Variants in LARP4B observed in about 807,000 individuals in gnomAD.
LARP4B encodes the protein la-related protein 4B.
LARP4B carries 12 observed loss-of-function variants against 89.8 expected under a neutral mutation model. The ratio of observed to expected loss-of-function variants is 0.13; its 90% CI spans 0.09 to 0.22. LARP4B has a LOEUF of 0.22. Ranked by LOEUF, LARP4B falls within the 10% of genes least tolerant of loss-of-function variation. The pLI is 1.00. For missense variants in LARP4B, 757 were observed against 947.7 expected (o/e 0.80, Z 2.64); for synonymous variants, 367 against 363.3 (o/e 1.01, Z -0.12).
At chr10:937,361 A>C in the LARP4B span, among the ~76,000 whole-genome samples, 1 of 152,278 alleles carries the variant, frequency 6.6e-6, no homozygotes, top group African/African-American at 2.4e-5. Context: ...TTTAAAAATC[A>C]CTATCTTGTA....
At chr10:941,473 C>G in the LARP4B span, among the ~76,000 whole-genome samples, 376 of 152,092 alleles carry the variant, frequency 2.5e-3, 2 homozygotes, top group African/African-American at 8.8e-3. Context: ...GCCACCATGC[C>G]TGGCTAATTT....
At chr10:946,743 T>TA in the LARP4B span, among the ~76,000 whole-genome samples, 1 of 152,220 alleles carries the variant, frequency 6.6e-6, no homozygotes, top group Non-Finnish European at 1.5e-5. Flanking sequence ...CAATTTTTTT[T>TA]ATCTTACAAG....
At chr10:982,121 T>C in the LARP4B span, among the ~76,000 whole-genome samples, 5 of 148,016 alleles carry the variant, frequency 3.4e-5, no homozygotes, top group South Asian at 2.2e-4. Context: ...TCTTTCTTTT[T>C]TTTTTTTTTT....
chr10:970,660 C>T, the LARP4B span, among the ~76,000 whole-genome samples: 1 of 152,134 alleles, frequency 6.6e-6, no homozygotes, highest in Non-Finnish European at 1.5e-5. Context: ...AAAATTCAGC[C>T]GTGTCAGCTT....
At chr10:906,212 T>C (rs1335077839) in intron 1 of LARP4B, among the ~76,000 whole-genome samples, 1 of 152,230 alleles carries the variant, frequency 6.6e-6, no homozygotes, top group Non-Finnish European at 1.5e-5. Context: ...CTCTGAATAG[T>C]ACAATGCTTC....
chr10:817,024 C>T (rs1472991850), intron 15 of LARP4B, among the ~76,000 whole-genome samples: 1 of 152,154 alleles, frequency 6.6e-6, no homozygotes, highest in African/African-American at 2.4e-5. Context: ...ACAGGGGACA[C>T]CGGCAACCTG....
rs1375533191 is a variant in LARP4B, at chr10:914,561, C to T, written c.-40+16867G>A. On this transcript the variant is annotated intron_variant, in intron 1 of 17. Coordinates refer to ENST00000316157, the MANE Select transcript of LARP4B (RefSeq NM_015155.3). The stretch of plus-strand genomic sequence containing the variant: ...CCCGTAATCCCAGCACTTTGGGAGG[C>T]CAAGGTGGGTGGATCATGAGGTCAG... 3.3e-5 allele frequency among the ~76,000 whole-genome samples: 5 copies of T among 150,506 alleles called. No homozygotes were observed. The South Asian group carries it at 8.4e-4, about 25-fold the overall frequency.
At chr10:828,987 G>A (rs1009079378) in intron 11 of LARP4B, among the ~76,000 whole-genome samples, 2 of 152,230 alleles carry the variant, frequency 1.3e-5, no homozygotes, top group African/African-American at 4.8e-5. Context: ...GGTGAGAAGT[G>A]AGTAAAATAA....
At chr10:818,183 C>T (rs779866122) in intron 14 of LARP4B, 1 of 274,074 alleles carries the variant, frequency 3.6e-6, no homozygotes, top group Non-Finnish European at 6.9e-6. Context: ...TCACGAACAG[C>T]AGGGGCAGCT....
rs1364052804 is a variant in LARP4B, at chr10:822,258, G to A, written c.1485-1413C>T. The stretch of plus-strand genomic sequence containing the variant: ...TGGGGACCTGGGAGGGGTGTGAGAC[G>A]GATGGTGTCAGCACCTGCTTGCCCA... On this transcript the variant is annotated intron_variant, in intron 13 of 17. Transcript: ENST00000316157. The surrounding 1 kb of genome is among the most constrained non-coding windows in gnomAD (Gnocchi z 4.6). 2.0e-5 allele frequency among the ~76,000 whole-genome samples: 3 copies of A among 152,220 alleles called. No homozygotes were observed. Among genetic ancestry groups the A allele is most frequent in the Admixed American group, 6.5e-5 (1 of 15,286 alleles).
intron 1 of LARP4B, among the ~76,000 whole-genome samples, chr10:891,891 G>A (rs1223893769): frequency 6.6e-6 from 1 of 152,174 alleles, no homozygotes; most frequent in South Asian, 2.1e-4. Context: ...CTTACCTAAT[G>A]TGTGAATCTA....
chr10:909,097 A>G (rs1420920249), intron 1 of LARP4B, among the ~76,000 whole-genome samples: 3 of 152,026 alleles, frequency 2.0e-5, no homozygotes, highest in Non-Finnish European at 2.9e-5. Context: ...GATCAAGATC[A>G]TCCTGGCTAA....
At chr10:839,953 A>G (rs1394220594) in intron 7 of LARP4B, among the ~76,000 whole-genome samples, 1 of 152,254 alleles carries the variant, frequency 6.6e-6, no homozygotes. Flanking sequence ...AATACTTCCC[A>G]GCAAAAAGAA....
At chr10:924,552 G>C (rs1837082486) in intron 1 of LARP4B, 1 of 152,454 alleles carries the variant, frequency 6.6e-6, no homozygotes. Flanking sequence ...CCCAAGCTCT[G>C]TAAAATAAAA....
chr10:954,361 G>A, the LARP4B span, among the ~76,000 whole-genome samples: 3 of 152,162 alleles, frequency 2.0e-5, no homozygotes, highest in Non-Finnish European at 2.9e-5. This position sits in a 1 kb window ranked among gnomAD's most constrained non-coding sequence, Gnocchi z 5.0. Flanking sequence ...ATGTGGACGC[G>A]GACGAAAAGG....
At chr10:865,488 G>A (rs1834855458) in intron 3 of LARP4B, among the ~76,000 whole-genome samples, 1 of 152,118 alleles carries the variant, frequency 6.6e-6, no homozygotes. Flanking sequence ...CCCTGGCCTT[G>A]TCCATTTCCA....
intron 1 of LARP4B, among the ~76,000 whole-genome samples, chr10:914,248 T>C (rs74116993): frequency 0.015 from 2,276 of 152,206 alleles, 72 homozygotes; most frequent in African/African-American, 0.052. Flanking sequence ...TATACGTAAT[T>C]AAAACTATTA....
chr10:906,123 T>C (rs1273797612), intron 1 of LARP4B, among the ~76,000 whole-genome samples: 1 of 152,218 alleles, frequency 6.6e-6, no homozygotes, highest in Admixed American at 6.5e-5. Flanking sequence ...ATTATTTCTT[T>C]CCCACATAAA....
At chr10:965,120 C>T in the LARP4B span, among the ~76,000 whole-genome samples, 1 of 152,210 alleles carries the variant, frequency 6.6e-6, no homozygotes, top group Non-Finnish European at 1.5e-5. Context: ...CACCCGCCTG[C>T]CTGTGGTCCA....
Sources: gnomAD v4.1 joint callset for allele counts (sites outside exome capture counted in the v4.1 genomes callset) on GRCh38, gnomAD v4.1.1 for gene constraint, Gnocchi (gnomAD v3.1) non-coding constraint, MANE v1.5 for transcripts, NCBI Gene and HGNC (gene_info 2026-07-23, HGNC 2026-07-21) for gene names.